The following KCNK10 variants were observed in gnomAD, a reference collection of about 807,000 sequenced individuals.
The protein encoded by KCNK10 is potassium channel subfamily K member 10.
In KCNK10, 25 loss-of-function variants were observed where a neutral mutation model predicts 47.7. The ratio of observed to expected loss-of-function variants is 0.52; its 90% CI spans 0.38 to 0.73. The LOEUF (loss-of-function observed/expected upper bound fraction) is 0.73, where lower values mean the gene tolerates loss of function less well. KCNK10 is among the 30% of genes least tolerant of loss of function. The pLI, the probability that KCNK10 is intolerant of heterozygous loss-of-function variation, is 0.00. For synonymous variants in KCNK10, 303 were observed against 285.6 expected (o/e 1.06, Z -0.61); for missense variants, 563 against 714.5 (o/e 0.79, Z 2.42).
At chr14:88,194,132 G>GA (rs369517647) in intron 4 of KCNK10, among the ~76,000 whole-genome samples, 41 of 151,112 alleles carry the variant, frequency 2.7e-4, no homozygotes, top group African/African-American at 7.8e-4. Context: ...GAAGCCATCT[G>GA]AAAAAAAAAT....
intron 4 of KCNK10, among the ~76,000 whole-genome samples, chr14:88,223,311 T>C (rs1385865453): frequency 1.3e-5 from 2 of 150,022 alleles, no homozygotes; most frequent in African/African-American, 4.9e-5. Context: ...TAAAAACCTT[T>C]TTTTTTTTTT....
chr14:88,201,619 A>G (rs143615719), intron 4 of KCNK10, among the ~76,000 whole-genome samples: 287 of 152,170 alleles, frequency 1.9e-3, no homozygotes, highest in African/African-American at 6.7e-3. Context: ...GAGATCATGT[A>G]ACTGCACTCC....
intron 5 of KCNK10, among the ~76,000 whole-genome samples, chr14:88,191,808 C>T (rs1451586343): frequency 2.0e-5 from 3 of 152,216 alleles, no homozygotes; most frequent in African/African-American, 7.2e-5. Flanking sequence ...ACCTGGGAGT[C>T]AGGAAGCTGA....
Position 88,185,655 on chromosome 14 carries a change from G to A in KCNK10, c.1512C>T (p.Ser504=), listed in dbSNP as rs750203136. 9 of 1,614,194 alleles carry A rather than the reference G, an allele frequency of 5.6e-6. No homozygotes were observed. The East Asian group carries it at 8.9e-5, about 16-fold the overall frequency. ...TACAGTCCGTCAGCATGGCTGTGCT[G>A]GAGTTGTCTGAGTTACACATCTTTT... ...ETEKMCNSDN[S]STAMLTDCIQ... The change falls in exon 7 of 7, where the codon TCC becomes TCT. Residue 504 remains serine, a synonymous_variant. Transcript: ENST00000319231. This position sits in a 1 kb window ranked among gnomAD's most constrained non-coding sequence, Gnocchi z 4.3.
intron 1 of KCNK10, among the ~76,000 whole-genome samples, chr14:88,269,371 C>T (rs1261406940): frequency 6.6e-6 from 1 of 152,198 alleles, no homozygotes; most frequent in African/African-American, 2.4e-5. Flanking sequence ...ATTAATAAGA[C>T]GCATCCCGCC....
intron 1 of KCNK10, among the ~76,000 whole-genome samples, chr14:88,292,057 G>A (rs563934448): frequency 4.1e-4 from 62 of 152,300 alleles, no homozygotes; most frequent in African/African-American, 1.4e-3. Flanking sequence ...TCTTCACAGG[G>A]TGGCCAAGAA....
intron 5 of KCNK10, among the ~76,000 whole-genome samples, chr14:88,188,672 T>G (rs953593708): frequency 6.6e-6 from 1 of 152,192 alleles, no homozygotes; most frequent in Non-Finnish European, 1.5e-5. Flanking sequence ...GGTGTTTACA[T>G]AGTGCTACTC....
intron 1 of KCNK10, among the ~76,000 whole-genome samples, chr14:88,276,116 C>T (rs1007706758): frequency 6.6e-6 from 1 of 151,978 alleles, no homozygotes; most frequent in Non-Finnish European, 1.5e-5. Flanking sequence ...GCGATTACTG[C>T]TACGGTCTGA....
intron 1 of KCNK10, among the ~76,000 whole-genome samples, chr14:88,267,662 G>A (rs756953220): frequency 3.4e-4 from 51 of 152,172 alleles, no homozygotes; most frequent in Non-Finnish European, 6.6e-4. Context: ...GTAAGCCACC[G>A]CATCCAGCCA....
At chr14:88,235,215 T>G (rs1319863267) in intron 3 of KCNK10, 1 of 456,452 alleles carries the variant, frequency 2.2e-6, no homozygotes, top group East Asian at 6.9e-5. Flanking sequence ...CTCACCCTGC[T>G]CTCCTCTCCC....
At chr14:88,287,721 G>GTGTGTA (rs1236520725) in intron 1 of KCNK10, among the ~76,000 whole-genome samples, 42 of 111,096 alleles carry the variant, frequency 3.8e-4, no homozygotes, top group African/African-American at 1.3e-3. Context: ...GTGTGTGTGT[G>GTGTGTA]TGTATCACAA....
At chr14:88,264,172 T>C (rs186662122) in intron 1 of KCNK10, among the ~76,000 whole-genome samples, 1 of 152,310 alleles carries the variant, frequency 6.6e-6, no homozygotes, top group East Asian at 1.9e-4. Context: ...CAATAAGACG[T>C]CATTGGAAAA....
intron 4 of KCNK10, among the ~76,000 whole-genome samples, chr14:88,220,583 G>A: frequency 6.8e-6 from 1 of 146,864 alleles, no homozygotes. Flanking sequence ...TTTGACAAAG[G>A]AGCAAAGGCG....
At position 88,181,106 on chromosome 14, in the gene KCNK10, T is replaced by C. The variant is rs908423532; in HGVS notation, c.*4429A>G. The C allele has an allele frequency of 2.7e-5, 9 of 331,668 alleles. No individual in the cohort carries two copies. The highest frequency in any genetic ancestry group is 1.7e-4 in the African/African-American group (8 of 46,968). 20.5% of individuals were successfully genotyped at this position (331,668 alleles called of 1,614,324 possible). ...TTTCTCGTTTTACAGGGGCTCTGAA[T>C]GTTTGTTTTCCTACGCCTTTCCCGT... is the stretch of plus-strand genomic sequence containing the variant. On this transcript the variant is annotated 3_prime_UTR_variant, in exon 7 of 7. Transcript: ENST00000319231.
chr14:88,323,030 C>T lies in KCNK10; in HGVS notation c.-232G>A. 1 of 1,336,584 alleles carries T rather than the reference C, an allele frequency of 7.5e-7. No individual in the cohort carries two copies. The highest frequency in any genetic ancestry group is 3.2e-5 in the Admixed American group (1 of 30,860). The allele number at this position is 1,336,584 out of a possible 1,614,324, so 82.8% of individuals were successfully genotyped here. A position where few individuals can be genotyped will look rare whatever the true frequency, so the allele number is the denominator to read the frequency against. On this transcript the variant is annotated 5_prime_UTR_variant, in exon 1 of 7. Coordinates refer to ENST00000319231, the MANE Select transcript of KCNK10 (RefSeq NM_138317.3). The stretch of plus-strand genomic sequence containing the variant: ...CGGCCAGGGGGTGGCCGGCCGCGGC[C>T]CCGTGGGTAAAAGAAAAAGTAAGAT...
chr14:88,215,160 T>C (rs1885578925), intron 4 of KCNK10, among the ~76,000 whole-genome samples: 1 of 152,034 alleles, frequency 6.6e-6, no homozygotes, highest in South Asian at 2.1e-4. Context: ...GTATCTGGCA[T>C]AATAAACCCT....
At position 88,263,471 on chromosome 14, in the gene KCNK10, T is replaced by C. The variant is rs770185205; in HGVS notation, c.133A>G (p.Thr45Ala). The C allele has an allele frequency of 5.2e-5, 84 of 1,613,668 alleles. 1 individual carries two copies. In the South Asian group the frequency reaches 8.2e-4, roughly 16 times the overall value. Residue 45 changes from threonine (T) to alanine (A), a missense_variant, in exon 2 of 7, where the codon ACT becomes GCT. Transcript: ENST00000319231. Reference protein sequence around the residue: ...GQPPAPAPTPTPRLSISSRAT... With the variant: ...GQPPAPAPTPAPRLSISSRAT... Reference sequence around the variant, plus strand: ...CGGGAGGAAATGGACAGGCGCGGAGTTGGAGTCGGAGCCGGAGCCGGGGGT... The same window carrying C: ...CGGGAGGAAATGGACAGGCGCGGAGCTGGAGTCGGAGCCGGAGCCGGGGGT...
rs544045510 is a variant in KCNK10, at chr14:88,205,789, A to G, written c.682-13379T>C. Among the ~76,000 whole-genome samples the G allele has an allele frequency of 7.2e-5, 11 of 152,194 alleles. No homozygotes were observed. In the East Asian group the frequency reaches 1.9e-3, roughly 27 times the overall value. ...AATCTCTTGACCTCATGATCCGCCCACATTGGCCTCACAAAGTACTGGGAT... is the reference window on the plus strand; with the variant it reads ...AATCTCTTGACCTCATGATCCGCCCGCATTGGCCTCACAAAGTACTGGGAT... On this transcript the variant is annotated intron_variant, in intron 4 of 6. Coordinates refer to ENST00000319231, the MANE Select transcript of KCNK10 (RefSeq NM_138317.3).
chr14:88,288,481 T>C (rs1265003538), intron 1 of KCNK10, among the ~76,000 whole-genome samples: 1 of 152,148 alleles, frequency 6.6e-6, no homozygotes, highest in Non-Finnish European at 1.5e-5. Flanking sequence ...TACATCCTGA[T>C]TTCATTCCAC....
Sources: allele counts gnomAD v4.1 joint callset (sites outside exome capture counted in the v4.1 genomes callset), GRCh38; gene constraint gnomAD v4.1.1; non-coding constraint Gnocchi (gnomAD v3.1); transcripts MANE v1.5; gene names NCBI Gene and HGNC (gene_info 2026-07-23, HGNC 2026-07-21).